Variants in C6 observed in about 807,000 individuals in gnomAD.
C6 encodes the protein complement component C6.
In C6, 101 loss-of-function variants were observed where a neutral mutation model predicts 112.9. That is an observed-to-expected ratio of 0.89 (90% CI 0.76 to 1.06). The LOEUF is 1.06. C6 is among the 50% of genes least tolerant of loss of function. C6 has a pLI of 0.00. For synonymous variants in C6, 431 were observed against 384.1 expected (o/e 1.12, Z -1.43); for missense variants, 1,202 against 1,104.6 (o/e 1.09, Z -1.25).
chr5:41,213,589 T>G, upstream of C6: 1 of 982,620 alleles, frequency 1.0e-6, no homozygotes, highest in Non-Finnish European at 1.2e-6. Context: ...ACTTTGCAAA[T>G]GATTACACCA....
chr5:41,249,113 T>C (rs1741190336), intron 1 of C6, among the ~76,000 whole-genome samples: 2 of 152,186 alleles, frequency 1.3e-5, no homozygotes, highest in Non-Finnish European at 2.9e-5. Flanking sequence ...TGGGTACTTA[T>C]GTACATAAAG....
Position 41,149,406 on chromosome 5 carries a change from C to A in C6, c.2458G>T (p.Ala820Ser), listed in dbSNP as rs1746161345. The change falls in exon 17 of 18, where the codon GCT (alanine) becomes TCT (serine). Residue 820 changes from alanine (A) to serine (S), a missense_variant. Ala to Ser is a moderately conservative substitution (Grantham distance 99, BLOSUM62 1). Transcript: ENST00000337836. ...YFTSPACKFLAEKCLNNQQLH... is the reference protein window; with the variant it reads ...YFTSPACKFLSEKCLNNQQLH... ...TGCTGATTATTTAAACATTTCTCAG[C>A]CAAAAACTTACAAGCGGGTGAAGTA... 6.2e-7 allele frequency: 1 copy of A among 1,613,952 alleles called. No homozygotes were observed. The highest frequency in any genetic ancestry group is 1.7e-5 in the Admixed American group (1 of 59,984).
At chr5:41,243,880 C>T (rs1027417071) in intron 1 of C6, among the ~76,000 whole-genome samples, 1 of 152,160 alleles carries the variant, frequency 6.6e-6, no homozygotes. Flanking sequence ...GTTGGAGTAA[C>T]TCTGAGATGT....
At chr5:41,249,395 T>C (rs1046770925) in intron 1 of C6, among the ~76,000 whole-genome samples, 6 of 152,202 alleles carry the variant, frequency 3.9e-5, no homozygotes, top group African/African-American at 1.4e-4. Context: ...ACAATTTAAA[T>C]GCTTGTAAAT....
At chr5:41,169,693 G>A (rs1171350818) in intron 9 of C6, among the ~76,000 whole-genome samples, 1 of 152,048 alleles carries the variant, frequency 6.6e-6, no homozygotes, top group Non-Finnish European at 1.5e-5. Flanking sequence ...GTGGTAGGAG[G>A]AGGGTGAAGG....
chr5:41,161,401 A>T (rs1747489369), intron 10 of C6, among the ~76,000 whole-genome samples: 1 of 152,156 alleles, frequency 6.6e-6, no homozygotes, highest in African/African-American at 2.4e-5. Flanking sequence ...ATGAAAAAAT[A>T]AAAAGTACTA....
At chr5:41,250,647 C>G (rs1741294049) in intron 1 of C6, among the ~76,000 whole-genome samples, 2 of 152,164 alleles carry the variant, frequency 1.3e-5, no homozygotes, top group Non-Finnish European at 2.9e-5. Context: ...CCCCCAAGAG[C>G]CACTGGTCCT....
rs1462897696 is a variant in C6 at position 41,158,707 on chromosome 5, A to C, written c.1935T>G (p.Pro645=). ...ATCCATTTTCTGGAGGAACTGGCTG[A>C]GGACACCCGGAATCTGCTTCTATCT... is the stretch of plus-strand genomic sequence containing the variant. The part of the protein sequence containing the change: ...LPEIEADSGC[P]QPVPPENGFI... Residue 645 remains proline (P), a synonymous_variant, in exon 13 of 18, where the codon CCT becomes CCG. Transcript: ENST00000337836. 9.3e-6 allele frequency: 15 copies of C among 1,610,180 alleles called. No homozygotes were observed. Among genetic ancestry groups the C allele is most frequent in the Admixed American group, 1.7e-5 (1 of 59,922 alleles).
At position 41,244,384 on chromosome 5, in the gene C6, G is replaced by A. The variant is rs551379817; in HGVS notation, c.-21+16810C>T. ...ACATCTTTATGGTTGGTAGGTGTAT[G>A]ATAATGGTAGGCATACAGAGAAAAA... is the stretch of plus-strand genomic sequence containing the variant. On this transcript the variant is annotated intron_variant, in intron 1 of 17. Transcript: ENST00000263413. Among the ~76,000 whole-genome samples, 264 of 152,278 alleles carry A rather than the reference G, an allele frequency of 1.7e-3. 2 individuals carry two copies. Among genetic ancestry groups the A allele is most frequent in the African/African-American group, 6.0e-3 (251 of 41,548 alleles).
intron 17 of C6, among the ~76,000 whole-genome samples, chr5:41,145,366 C>T (rs893363563): frequency 9.2e-5 from 14 of 152,148 alleles, no homozygotes; most frequent in African/African-American, 3.1e-4. Context: ...CTCATCTGTC[C>T]TATCAACTCT....
chr5:41,176,141 G>A (rs952977458), intron 8 of C6, among the ~76,000 whole-genome samples: 12 of 152,124 alleles, frequency 7.9e-5, no homozygotes, highest in African/African-American at 2.9e-4. Flanking sequence ...TACAAAGTTG[G>A]TTTCCCTTGA....
At chr5:41,177,007 C>T (rs937735931) in intron 7 of C6, among the ~76,000 whole-genome samples, 2 of 152,178 alleles carry the variant, frequency 1.3e-5, no homozygotes, top group Non-Finnish European at 2.9e-5. Flanking sequence ...ATCTTTCTCT[C>T]CTGATTGCCA....
At chr5:41,252,349 T>C (rs1012378657) in intron 1 of C6, among the ~76,000 whole-genome samples, 3 of 152,112 alleles carry the variant, frequency 2.0e-5, no homozygotes, top group African/African-American at 7.2e-5. Flanking sequence ...AAAAATTAGT[T>C]CAGGCCTTGT....
At chr5:41,230,767 C>T (rs867393351) in intron 1 of C6, among the ~76,000 whole-genome samples, 3 of 152,112 alleles carry the variant, frequency 2.0e-5, no homozygotes, top group Non-Finnish European at 2.9e-5. Context: ...TCATCACAGT[C>T]CTACCAATAT....
chr5:41,201,983 C>T (rs893526559), intron 2 of C6, among the ~76,000 whole-genome samples: 6 of 152,080 alleles, frequency 3.9e-5, no homozygotes, highest in Non-Finnish European at 5.9e-5. Context: ...TTAAGCCAAG[C>T]ATGAAGCCCT....
intron 12 of C6, 121 bp from the exon 13 acceptor site, chr5:41,158,906 A>T (rs1171678898): frequency 9.9e-7 from 1 of 1,014,348 alleles, no homozygotes; most frequent in Non-Finnish European, 1.5e-6. Flanking sequence ...AATAGAAAAC[A>T]TTACACACAG....
chr5:41,212,652 G>A lies in C6; in HGVS notation c.-21+724C>T, dbSNP rs180775128. On this transcript the variant is annotated intron_variant, in intron 1 of 17. Coordinates refer to ENST00000337836, the MANE Select transcript of C6 (RefSeq NM_000065.5). Reference sequence around the variant, plus strand: ...ACAAACATAGAATAAAAGAATGTTCGGTCAATAGAGGAAGATAGGAAAAAA... The same window carrying A: ...ACAAACATAGAATAAAAGAATGTTCAGTCAATAGAGGAAGATAGGAAAAAA... Among the ~76,000 whole-genome samples the A allele has an allele frequency of 3.3e-4, 50 of 152,122 alleles. 1 individual carries two copies. Among genetic ancestry groups the A allele is most frequent in the Non-Finnish European group, 6.9e-4 (47 of 68,004 alleles).
At chr5:41,258,945 AC>A (rs1187668100) in intron 1 of C6, among the ~76,000 whole-genome samples, 1 of 152,186 alleles carries the variant, frequency 6.6e-6, no homozygotes, top group Non-Finnish European at 1.5e-5. Flanking sequence ...CCCACCCTTG[AC>A]ATGTGGGGAT....
intron 5 of C6, among the ~76,000 whole-genome samples, chr5:41,192,971 A>G (rs998494155): frequency 2.3e-4 from 35 of 152,306 alleles, no homozygotes; most frequent in Middle Eastern, 6.8e-3. Context: ...TGATGGTTAT[A>G]TAAGTCTTTG....
Sources: allele counts gnomAD v4.1 joint callset (sites outside exome capture counted in the v4.1 genomes callset), GRCh38; gene constraint gnomAD v4.1.1; transcripts MANE v1.5; gene names NCBI Gene and HGNC (gene_info 2026-07-23, HGNC 2026-07-21).